BICD1: variants seen among roughly 807,000 people sequenced by gnomAD.
The protein encoded by BICD1 is protein bicaudal D homolog 1.
BICD1 carries 35 observed loss-of-function variants against 92.5 expected under a neutral mutation model. That is an observed-to-expected ratio of 0.38 (90% CI 0.29 to 0.50). The LOEUF (loss-of-function observed/expected upper bound fraction) is 0.50, where lower values mean the gene tolerates loss of function less well. Ranked by LOEUF, BICD1 falls within the 20% of genes least tolerant of loss-of-function variation. The pLI is 0.93. For synonymous variants in BICD1, 429 were observed against 465.1 expected (o/e 0.92, Z 1.00); for missense variants, 950 against 1,189.8 (o/e 0.80, Z 2.97).
intron 4 of BICD1, 55 bp from the exon 5 acceptor site, chr12:32,327,406 G>T: frequency 6.5e-7 from 1 of 1,535,684 alleles, no homozygotes; most frequent in Non-Finnish European, 8.8e-7. Flanking sequence ...AATGGATTAA[G>T]TTCATCATTG....
intron 1 of BICD1, among the ~76,000 whole-genome samples, chr12:32,189,383 T>C (rs1288122949): frequency 6.6e-6 from 1 of 152,196 alleles, no homozygotes; most frequent in African/African-American, 2.4e-5. Flanking sequence ...TCTTTCTCTT[T>C]TTCTCCTCCT....
At chr12:32,303,330 G>T (rs1015451462) in intron 3 of BICD1, among the ~76,000 whole-genome samples, 7 of 152,188 alleles carry the variant, frequency 4.6e-5, no homozygotes, top group Non-Finnish European at 1.0e-4. Flanking sequence ...AACTGGCATT[G>T]TTAGAAACAT....
chr12:32,364,115 C>A (rs1276466705), intron 8 of BICD1, among the ~76,000 whole-genome samples: 2 of 152,184 alleles, frequency 1.3e-5, no homozygotes, highest in Non-Finnish European at 2.9e-5. Context: ...TTTCTCTGTT[C>A]ACCTTTTTCC....
chr12:32,118,091 A>ATTTTATTTTATTTTATTTTTTTT (rs1555126592), intron 1 of BICD1, among the ~76,000 whole-genome samples: 1,595 of 46,744 alleles, frequency 0.034, 11 homozygotes, highest in Middle Eastern at 0.086. Flanking sequence ...TATTTTATTT[A>ATTTTATTTTATTTTATTTTTTTT]TTTTTTTTGA....
At chr12:32,311,994 T>C (rs1948394474) in intron 4 of BICD1, among the ~76,000 whole-genome samples, 1 of 152,208 alleles carries the variant, frequency 6.6e-6, no homozygotes, top group African/African-American at 2.4e-5. Context: ...TGAGAATTTA[T>C]GGTTTGTAGG....
intron 4 of BICD1, among the ~76,000 whole-genome samples, chr12:32,322,888 C>T (rs261903): frequency 0.82 from 125,389 of 152,196 alleles, 51,828 homozygotes; most frequent in East Asian, 0.87. Flanking sequence ...ATCCAGAGGC[C>T]TTTCCTTTTG....
intron 1 of BICD1, among the ~76,000 whole-genome samples, chr12:32,188,535 A>T (rs957851990): frequency 1.3e-5 from 2 of 152,350 alleles, no homozygotes; most frequent in South Asian, 2.1e-4. Context: ...TTCAAAACCC[A>T]TAGAGGTTCC....
Position 32,350,467 on chromosome 12 carries a change from C to T in BICD1, c.2764+11488C>T, listed in dbSNP as rs181545243. 6.4e-4 allele frequency among the ~76,000 whole-genome samples: 98 copies of T among 152,086 alleles called. 1 individual carries two copies. Among genetic ancestry groups the T allele is most frequent in the Admixed American group, 4.1e-3 (63 of 15,276 alleles). On this transcript the variant is annotated intron_variant, in intron 8 of 9. Coordinates refer to ENST00000652176, the MANE Select transcript of BICD1 (RefSeq NM_001714.4). The stretch of plus-strand genomic sequence containing the variant: ...ACTCTAGCCTGGGTGACAGTGCCTA[C>T]ATAAATAAATAAAAAGAAAGAAAGA...
At chr12:32,177,486 A>G (rs1372750654) in intron 1 of BICD1, among the ~76,000 whole-genome samples, 1 of 150,404 alleles carries the variant, frequency 6.6e-6, no homozygotes, top group African/African-American at 2.4e-5. Context: ...AGAAATGTAT[A>G]TAGTATAATC....
At chr12:32,229,905 T>C (rs1360422734) in intron 2 of BICD1, among the ~76,000 whole-genome samples, 1 of 152,166 alleles carries the variant, frequency 6.6e-6, no homozygotes, top group Non-Finnish European at 1.5e-5. Flanking sequence ...GAGCAATTGA[T>C]TTCCTTGAGT....
intron 3 of BICD1, among the ~76,000 whole-genome samples, chr12:32,295,410 C>G (rs2261337): frequency 0.47 from 71,773 of 151,838 alleles, 17,706 homozygotes; most frequent in Middle Eastern, 0.56. Context: ...CAGTTCAGAT[C>G]AACAGCCTAT....
chr12:32,163,980 T>A (rs1943676696), intron 1 of BICD1, among the ~76,000 whole-genome samples: 1 of 152,184 alleles, frequency 6.6e-6, no homozygotes, highest in Non-Finnish European at 1.5e-5. Flanking sequence ...TTTTTTTTTA[T>A]TTTCTGTTTT....
intron 2 of BICD1, among the ~76,000 whole-genome samples, chr12:32,229,843 C>T (rs1945819270): frequency 6.6e-6 from 1 of 151,944 alleles, no homozygotes; most frequent in Non-Finnish European, 1.5e-5. Flanking sequence ...TGGCCATGAC[C>T]CCATAAAGTG....
At chr12:32,370,865 C>T (rs192067345) in intron 9 of BICD1, among the ~76,000 whole-genome samples, 69 of 152,256 alleles carry the variant, frequency 4.5e-4, no homozygotes, top group South Asian at 2.5e-3. Context: ...AAGCGTGGAG[C>T]GGGCTGCTGT....
At chr12:32,329,191 G>A (rs112590857) in intron 5 of BICD1, among the ~76,000 whole-genome samples, 3,584 of 152,094 alleles carry the variant, frequency 0.024, 135 homozygotes, top group African/African-American at 0.081. Flanking sequence ...TGCAACCTCC[G>A]CCTCCTGGGT....
intron 8 of BICD1, chr12:32,340,781 T>C (rs1938337052): frequency 6.3e-6 from 1 of 157,788 alleles, no homozygotes; most frequent in South Asian, 2.0e-4. Context: ...TTTCAGATGC[T>C]GTTATCACAT....
chr12:32,228,160 C>A, intron 2 of BICD1: 1 of 166,188 alleles, frequency 6.0e-6, no homozygotes. Context: ...ACGATAGTCT[C>A]TTGGAAAGGG....
At chr12:32,126,577 T>G (rs934204966) in intron 1 of BICD1, among the ~76,000 whole-genome samples, 1 of 152,002 alleles carries the variant, frequency 6.6e-6, no homozygotes, top group Non-Finnish European at 1.5e-5. Flanking sequence ...GCCAACATAG[T>G]GAAACCTTGT....
intron 1 of BICD1, among the ~76,000 whole-genome samples, chr12:32,132,725 G>C (rs1306714640): frequency 4.6e-5 from 7 of 152,224 alleles, no homozygotes; most frequent in Non-Finnish European, 1.0e-4. Context: ...GAGGGAGTCA[G>C]CAAGCAGGTT....
Sources: allele counts gnomAD v4.1 joint callset (sites outside exome capture counted in the v4.1 genomes callset), GRCh38; gene constraint gnomAD v4.1.1; transcripts MANE v1.5; gene names NCBI Gene and HGNC (gene_info 2026-07-23, HGNC 2026-07-21).